Variants in DTWD1 observed in about 807,000 individuals in gnomAD.
The protein encoded by DTWD1 is DTW motif tRNA-uridine aminocarboxypropyltransferase 1.
Under a neutral mutation model 30.2 loss-of-function variants are expected in DTWD1, and 27 were observed. The observed-to-expected ratio is 0.90, with a 90% CI of 0.66 to 1.23. DTWD1 has a LOEUF of 1.23. Ranked by LOEUF, DTWD1 falls within the 50% of genes most tolerant of loss-of-function variation. The pLI, the probability that DTWD1 is intolerant of heterozygous loss-of-function variation, is 0.00. For synonymous variants in DTWD1, 99 were observed against 113.1 expected (o/e 0.88, Z 0.79); for missense variants, 342 against 348.8 (o/e 0.98, Z 0.15).
rs2079163951 is a variant in DTWD1 at position 49,653,488 on chromosome 15, A to AT, written c.*9912dup. 6.6e-6 allele frequency: 1 copy of AT among 152,168 alleles called. No homozygotes were observed. The highest frequency in any genetic ancestry group is 1.9e-4 in the East Asian group (1 of 5,180). The allele number at this position is 152,168 out of a possible 1,614,324, so 9.4% of individuals were successfully genotyped here. On this transcript the variant is annotated 3_prime_UTR_variant, in exon 5 of 5. Transcript: ENST00000403028. ...CTTCTACAGAACTATATAAGAATAA[A>AT]TTGTGTTGCTTAAGCACACTATAAT...
chr15:49,622,853 A>G (rs1326072951), intron 1 of DTWD1, among the ~76,000 whole-genome samples: 1 of 152,152 alleles, frequency 6.6e-6, no homozygotes, highest in African/African-American at 2.4e-5. Flanking sequence ...TAAGAGGTGG[A>G]GCCATAAACA....
chr15:49,627,778 G>T (rs1255231848), intron 2 of DTWD1, among the ~76,000 whole-genome samples: 1 of 152,168 alleles, frequency 6.6e-6, no homozygotes, highest in African/African-American at 2.4e-5. Flanking sequence ...AATGGAATTT[G>T]CAGGACTGGA....
Position 49,643,325 on chromosome 15 carries a change from T to TTTTA in DTWD1, c.668-6_668-5insTTTA. The stretch of plus-strand genomic sequence containing the variant: ...TTCTTTCTTTTTTTTTTTTTTTTTT[T>TTTTA]GACAGGGTTGTTACAAGTTGAGTTG... On this transcript the variant is annotated splice_polypyrimidine_tract_variant and splice_region_variant and intron_variant, in intron 4 of 4. Coordinates refer to ENST00000403028, the MANE Select transcript of DTWD1 (RefSeq NM_001144955.2). 1.4e-6 allele frequency: 2 copies of TTTTA among 1,456,172 alleles called. No homozygotes were observed. Among genetic ancestry groups the TTTTA allele is most frequent in the Non-Finnish European group, 1.8e-6 (2 of 1,107,298 alleles). 90.2% of individuals were successfully genotyped at this position (1,456,172 alleles called of 1,614,324 possible). A position where few individuals can be genotyped will look rare whatever the true frequency, so the allele number is the denominator to read the frequency against.
chr15:49,651,719 G>T lies in DTWD1; in HGVS notation c.*8141G>T, dbSNP rs1598678695. On this transcript the variant is annotated 3_prime_UTR_variant, in exon 5 of 5. Transcript: ENST00000403028. ...GGAGTTTGCTTTTCCTCTTTGCAGA[G>T]CCTCAGTCAGTATCACCATTTGAGT... 6.6e-6 allele frequency: 1 copy of T among 152,244 alleles called. No homozygotes were observed. The highest frequency in any genetic ancestry group is 1.9e-4 in the East Asian group (1 of 5,162). The allele number at this position is 152,244 out of a possible 1,614,324, so 9.4% of individuals were successfully genotyped here. A position where few individuals can be genotyped will look rare whatever the true frequency, so the allele number is the denominator to read the frequency against.
intron 4 of DTWD1, among the ~76,000 whole-genome samples, chr15:49,641,626 G>C (rs12591659): frequency 6.6e-6 from 1 of 151,940 alleles, no homozygotes; most frequent in Admixed American, 6.6e-5. Context: ...TCTTGTTGGC[G>C]TATGTTCAGT....
chr15:49,655,188 A>C lies in DTWD1; in HGVS notation c.*11610A>C, dbSNP rs572239168. ...AACCTTCTAACTCAGCTTAGCCATT[A>C]TCTGCATGCAACCACATAAGTGACC... On this transcript the variant is annotated 3_prime_UTR_variant, in exon 5 of 5. Transcript: ENST00000403028. The C allele has an allele frequency of 1.6e-4, 24 of 152,240 alleles. No homozygotes were observed. Among genetic ancestry groups the C allele is most frequent in the African/African-American group, 5.8e-4 (24 of 41,564 alleles). 9.4% of individuals were successfully genotyped at this position (152,240 alleles called of 1,614,324 possible).
chr15:49,628,393 A>G (rs1415874962), intron 2 of DTWD1, among the ~76,000 whole-genome samples: 1 of 152,256 alleles, frequency 6.6e-6, no homozygotes, highest in Non-Finnish European at 1.5e-5. Context: ...ACAGATTTAT[A>G]TTATCATTAT....
chr15:49,638,694 T>G (rs994824720), intron 4 of DTWD1, among the ~76,000 whole-genome samples: 11 of 152,224 alleles, frequency 7.2e-5, no homozygotes, highest in Non-Finnish European at 1.6e-4. Flanking sequence ...TTGGAAATTA[T>G]GTTTCCATTA....
rs561057065 is a variant in DTWD1 at position 49,640,367 on chromosome 15, G to A, written c.668-2964G>A. ...TGGTTTCCTGCTAATGAAACACTTT[G>A]GTTATTTCTAGTTTTTCCTATTGCA... On this transcript the variant is annotated intron_variant, in intron 4 of 4. Transcript: ENST00000403028. Among the ~76,000 whole-genome samples, 214 of 152,076 alleles carry A rather than the reference G, an allele frequency of 1.4e-3. 1 individual carries two copies. Among genetic ancestry groups the A allele is most frequent in the African/African-American group, 4.9e-3 (202 of 41,500 alleles).
chr15:49,638,294 T>C (rs890596120), intron 4 of DTWD1, among the ~76,000 whole-genome samples: 23 of 152,216 alleles, frequency 1.5e-4, no homozygotes, highest in African/African-American at 5.3e-4. Flanking sequence ...AAATCAGATT[T>C]GTACAAAAGA....
chr15:49,625,123 A>T lies in DTWD1; in HGVS notation c.-45A>T. On this transcript the variant is annotated 5_prime_UTR_variant, in exon 2 of 5. Coordinates refer to ENST00000403028, the MANE Select transcript of DTWD1 (RefSeq NM_001144955.2). ...ACTTTTTTTTTACAGTGCACCTATG[A>T]TATGTGTTTTAGAAATAGCCGTTAA... The T allele has an allele frequency of 6.3e-7, 1 of 1,574,948 alleles. No individual in the cohort carries two copies. Among genetic ancestry groups the T allele is most frequent in the Non-Finnish European group, 8.7e-7 (1 of 1,152,028 alleles).
In DTWD1 at chr15:49,653,060, G is replaced by C. The variant is rs561654280; in HGVS notation, c.*9482G>C. ...TTTTTTTTCAGCATATGACATTTTG[G>C]AGTAGTTTGTTATTCAGCAATAGAT... On this transcript the variant is annotated 3_prime_UTR_variant, in exon 5 of 5. Coordinates refer to ENST00000403028, the MANE Select transcript of DTWD1 (RefSeq NM_001144955.2). 55 of 152,246 alleles carry C rather than the reference G, an allele frequency of 3.6e-4. No individual in the cohort carries two copies. Among genetic ancestry groups the C allele is most frequent in the African/African-American group, 1.3e-3 (53 of 41,546 alleles). The allele number at this position is 152,246 out of a possible 1,614,324, so 9.4% of individuals were successfully genotyped here.
At position 49,651,154 on chromosome 15, in the gene DTWD1, T is replaced by C. The variant is rs1184970141; in HGVS notation, c.*7576T>C. 6.6e-6 allele frequency: 1 copy of C among 152,188 alleles called. No homozygotes were observed. Among genetic ancestry groups the C allele is most frequent in the East Asian group, 1.9e-4 (1 of 5,196 alleles). 9.4% of individuals were successfully genotyped at this position (152,188 alleles called of 1,614,324 possible). A position where few individuals can be genotyped will look rare whatever the true frequency, so the allele number is the denominator to read the frequency against. On this transcript the variant is annotated 3_prime_UTR_variant, in exon 5 of 5. Transcript: ENST00000403028. ...TCTGTAGAAAGAGGGCTTCTTTGGT[T>C]GCATACAAATCTCATCTAGAATTTA...
In DTWD1 at chr15:49,634,807, TG is replaced by T; in HGVS notation, c.667+14del. On this transcript the variant is annotated intron_variant, in intron 4 of 4. Coordinates refer to ENST00000403028, the MANE Select transcript of DTWD1 (RefSeq NM_001144955.2). ...GAGCGACTTCAAGGTAAAAAAAAAATGTTTTTTTGGACTGCTCCTCCCTCAG... is the reference window on the plus strand; with the variant it reads ...GAGCGACTTCAAGGTAAAAAAAAAATTTTTTTTGGACTGCTCCTCCCTCAG... 1 of 1,547,698 alleles carries T rather than the reference TG, an allele frequency of 6.5e-7. No individual in the cohort carries two copies. The highest frequency in any genetic ancestry group is 8.7e-7 in the Non-Finnish European group (1 of 1,153,914).
intron 4 of DTWD1, among the ~76,000 whole-genome samples, chr15:49,641,448 T>C (rs1004649941): frequency 1.3e-5 from 2 of 152,116 alleles, no homozygotes; most frequent in African/African-American, 4.8e-5. Context: ...ATTGTTATTG[T>C]TAATATCATT....
At chr15:49,631,977 G>A (rs1174597135) in intron 2 of DTWD1, 182 bp from the exon 3 acceptor site, 4 of 650,408 alleles carry the variant, frequency 6.1e-6, no homozygotes, top group African/African-American at 1.8e-5. Flanking sequence ...CAATGCCAAG[G>A]AAGAAATTTG....
intron 4 of DTWD1, among the ~76,000 whole-genome samples, chr15:49,638,165 A>G (rs1052760243): frequency 6.6e-6 from 1 of 152,192 alleles, no homozygotes; most frequent in African/African-American, 2.4e-5. Flanking sequence ...GTTACCTTAT[A>G]TGGTAATTGA....
intron 2 of DTWD1, among the ~76,000 whole-genome samples, chr15:49,631,626 A>G (rs1242473565): frequency 6.6e-6 from 1 of 152,096 alleles, no homozygotes; most frequent in Non-Finnish European, 1.5e-5. Context: ...TTAGCTGGGC[A>G]TGGTGGCAGG....
chr15:49,627,072 T>C (rs1362490281), intron 2 of DTWD1, among the ~76,000 whole-genome samples: 1 of 152,038 alleles, frequency 6.6e-6, no homozygotes, highest in Middle Eastern at 3.2e-3. Flanking sequence ...TTGCATATTA[T>C]AATAATAATA....
Sources: gnomAD v4.1 joint callset for allele counts (sites outside exome capture counted in the v4.1 genomes callset) on GRCh38, gnomAD v4.1.1 for gene constraint, MANE v1.5 for transcripts, NCBI Gene and HGNC (gene_info 2026-07-23, HGNC 2026-07-21) for gene names.